Variants in ATP8A1 observed in about 807,000 individuals in gnomAD.
ATP8A1 encodes ATPase phospholipid transporting 8A1.
A neutral mutation model predicts 177.7 loss-of-function variants in ATP8A1; 90 were observed. The ratio of observed to expected loss-of-function variants is 0.51; its 90% confidence interval spans 0.43 to 0.60. The LOEUF (loss-of-function observed/expected upper bound fraction) is 0.60. ATP8A1 is among the 20% of genes least tolerant of loss of function. ATP8A1 has a pLI of 0.00. For missense variants in ATP8A1, 1,072 were observed against 1,392.8 expected (o/e 0.77, Z 3.67); for synonymous variants, 493 against 485.9 (o/e 1.01, Z -0.19).
chr4:42,503,811 A>G lies in ATP8A1; in HGVS notation c.2087-297T>C, dbSNP rs140313493. Among the ~76,000 whole-genome samples the G allele has an allele frequency of 5.4e-3, 824 of 152,338 alleles. 6 individuals carry two copies. Among genetic ancestry groups the G allele is most frequent in the Non-Finnish European group, 8.2e-3 (560 of 68,034 alleles). ...TGGATTTGTAATACACTTCATGATA[A>G]CCAACATGAAGAGCAAAAGACAGGC... On this transcript the variant is annotated intron_variant, in intron 23 of 36. Transcript: ENST00000381668.
rs145499430 is a variant in ATP8A1, at chr4:42,468,666, G to T, written c.2325-3590C>A. Among the ~76,000 whole-genome samples, 184 of 152,212 alleles carry T rather than the reference G, an allele frequency of 1.2e-3. 2 individuals carry two copies. In the East Asian group the frequency reaches 0.03, roughly 24 times the overall value. ...TAAGAATGATACAATGGACTTTGGG[G>T]ACTCAGGGGAAAGGGTGGGAGGGGG... is the stretch of plus-strand genomic sequence containing the variant. On this transcript the variant is annotated intron_variant, in intron 25 of 36. Coordinates refer to ENST00000381668, the MANE Select transcript of ATP8A1 (RefSeq NM_006095.2).
intron 5 of ATP8A1, among the ~76,000 whole-genome samples, chr4:42,601,805 G>T (rs1256814647): frequency 6.6e-6 from 1 of 152,182 alleles, no homozygotes; most frequent in Non-Finnish European, 1.5e-5. Context: ...AGTTTCTTTT[G>T]ATGTTGGGAT....
At chr4:42,473,564 A>G (rs1299435086) in intron 25 of ATP8A1, among the ~76,000 whole-genome samples, 1 of 152,140 alleles carries the variant, frequency 6.6e-6, no homozygotes, top group South Asian at 2.1e-4. Flanking sequence ...GTCTGACTGG[A>G]GCACACATGC....
chr4:42,514,927 G>GA (rs1326213087), intron 22 of ATP8A1, among the ~76,000 whole-genome samples: 1 of 152,104 alleles, frequency 6.6e-6, no homozygotes, highest in Non-Finnish European at 1.5e-5. Flanking sequence ...AGTATACTAG[G>GA]AAAAAATGTT....
intron 20 of ATP8A1, among the ~76,000 whole-genome samples, chr4:42,527,282 C>T (rs1008619938): frequency 6.6e-6 from 1 of 152,194 alleles, no homozygotes; most frequent in Non-Finnish European, 1.5e-5. Context: ...TGCGTAGCCT[C>T]AACAGGTGTC....
At chr4:42,606,756 C>G (rs1474970646) in intron 5 of ATP8A1, among the ~76,000 whole-genome samples, 2 of 152,170 alleles carry the variant, frequency 1.3e-5, no homozygotes, top group African/African-American at 4.8e-5. Context: ...TCTACTACCA[C>G]AGCAATGAAA....
chr4:42,462,241 A>T, intron 27 of ATP8A1, among the ~76,000 whole-genome samples: 2 of 152,358 alleles, frequency 1.3e-5, no homozygotes, highest in Admixed American at 1.3e-4. Flanking sequence ...GACAACGGGG[A>T]AAATGTCTCC....
At chr4:42,448,401 C>CTTTTTTTTTCT (rs1553875021) in intron 30 of ATP8A1, among the ~76,000 whole-genome samples, 1 of 99,558 alleles carries the variant, frequency 1.0e-5, no homozygotes, top group African/African-American at 3.5e-5. Flanking sequence ...TCTTTCTTTT[C>CTTTTTTTTTCT]TTTTTTTTTT....
intron 24 of ATP8A1, among the ~76,000 whole-genome samples, chr4:42,498,444 T>C (rs1450692596): frequency 6.6e-6 from 1 of 152,234 alleles, no homozygotes; most frequent in East Asian, 1.9e-4. Flanking sequence ...GGTTTTCTTT[T>C]ACCACAGTGT....
At chr4:42,616,499 A>G (rs892432237) in intron 4 of ATP8A1, among the ~76,000 whole-genome samples, 2 of 152,222 alleles carry the variant, frequency 1.3e-5, no homozygotes, top group Non-Finnish European at 2.9e-5. Context: ...TAGTATTGAA[A>G]TATTTTCAGC....
chr4:42,575,558 G>T, intron 13 of ATP8A1, 64 bp downstream of exon 13: 2 of 1,329,386 alleles, frequency 1.5e-6, no homozygotes, highest in South Asian at 2.4e-5. Context: ...TATCATATAT[G>T]GCAGATACCA....
chr4:42,650,446 C>T (rs1031222388), intron 1 of ATP8A1, among the ~76,000 whole-genome samples: 1 of 152,172 alleles, frequency 6.6e-6, no homozygotes, highest in Admixed American at 6.5e-5. Flanking sequence ...TTAGCTGGCA[C>T]ACAGCTGGTG....
Position 42,408,396 on chromosome 4 carries a change from T to G in ATP8A1, c.*4520A>C, listed in dbSNP as rs1388465394. ...AATTTTAAGTAATGGTAAAGTTTAT[T>G]TCATTTTTAATAACAATTAGAGGAC... On this transcript the variant is annotated 3_prime_UTR_variant, in exon 37 of 37. Transcript: ENST00000381668. 1 of 152,230 alleles carries G rather than the reference T, an allele frequency of 6.6e-6. No homozygotes were observed. Among genetic ancestry groups the G allele is most frequent in the Non-Finnish European group, 1.5e-5 (1 of 68,036 alleles). 9.4% of individuals were successfully genotyped at this position (152,230 alleles called of 1,614,324 possible). A position where few individuals can be genotyped will look rare whatever the true frequency, so the allele number is the denominator to read the frequency against.
intron 24 of ATP8A1, among the ~76,000 whole-genome samples, chr4:42,488,269 T>C (rs544440712): frequency 6.6e-6 from 1 of 152,206 alleles, no homozygotes; most frequent in Non-Finnish European, 1.5e-5. Context: ...CAGGAGGCAC[T>C]ACTGTTATCT....
At chr4:42,636,750 C>T (rs1043342863) in intron 1 of ATP8A1, among the ~76,000 whole-genome samples, 17 of 152,140 alleles carry the variant, frequency 1.1e-4, no homozygotes, top group African/African-American at 4.1e-4. Flanking sequence ...TTTGGAGAAC[C>T]CCTCCCCCAG....
chr4:42,421,174 T>A (rs1204706717), intron 35 of ATP8A1, among the ~76,000 whole-genome samples: 1 of 152,174 alleles, frequency 6.6e-6, no homozygotes, highest in African/African-American at 2.4e-5. Flanking sequence ...TGAGGAATCC[T>A]GTGATGCAAA....
At chr4:42,572,628 A>G in intron 14 of ATP8A1, among the ~76,000 whole-genome samples, 1 of 152,194 alleles carries the variant, frequency 6.6e-6, no homozygotes, top group East Asian at 1.9e-4. Flanking sequence ...AACTAGCTTT[A>G]CTCTACATGG....
intron 5 of ATP8A1, among the ~76,000 whole-genome samples, chr4:42,607,815 C>T (rs536701054): frequency 1.0e-3 from 157 of 150,894 alleles, no homozygotes; most frequent in Non-Finnish European, 1.9e-3. Flanking sequence ...AGGAAGATGA[C>T]ATTCCTCCAA....
chr4:42,464,186 T>A (rs6855129), intron 27 of ATP8A1, among the ~76,000 whole-genome samples: 143,884 of 151,920 alleles, frequency 0.95, 68,603 homozygotes, highest in Non-Finnish European at 1. Flanking sequence ...CTCATTAGCA[T>A]CTCTAATTCA....
Sources: allele counts gnomAD v4.1 joint callset (sites outside exome capture counted in the v4.1 genomes callset), GRCh38; gene constraint gnomAD v4.1.1; transcripts MANE v1.5; gene names NCBI Gene and HGNC (gene_info 2026-07-23, HGNC 2026-07-21).